The following SLC18B1 variants were observed in gnomAD, a reference collection of about 807,000 sequenced individuals.
The protein encoded by SLC18B1 is MFS-type transporter SLC18B1.
Under a neutral mutation model 53.9 loss-of-function variants are expected in SLC18B1, and 62 were observed. That is an observed-to-expected ratio of 1.15 (90% CI 0.94 to 1.42). SLC18B1 has a LOEUF of 1.42. SLC18B1 is among the 40% of genes most tolerant of loss of function. The probability of loss-of-function intolerance (pLI) is 0.00; values close to 1 mark genes in which losing one functional copy is unlikely to be tolerated. For missense variants in SLC18B1, 598 were observed against 547.3 expected (o/e 1.09, Z -0.93); for synonymous variants, 217 against 200.9 (o/e 1.08, Z -0.68).
chr6:132,780,267 A>G (rs1197650360), intron 6 of SLC18B1, among the ~76,000 whole-genome samples: 1 of 151,796 alleles, frequency 6.6e-6, no homozygotes, highest in African/African-American at 2.4e-5. Context: ...CACCTAGCTA[A>G]TTTAAAAATT....
intron 2 of SLC18B1, among the ~76,000 whole-genome samples, chr6:132,796,194 C>CA (rs11312283): frequency 1.5e-3 from 210 of 144,046 alleles, no homozygotes; most frequent in Middle Eastern, 7.1e-3. Context: ...TAAAACAATA[C>CA]AAAAAAAAAA....
intron 6 of SLC18B1, among the ~76,000 whole-genome samples, chr6:132,780,916 A>G (rs1266196073): frequency 6.6e-6 from 1 of 152,138 alleles, no homozygotes; most frequent in East Asian, 1.9e-4. Flanking sequence ...ATCTGAGCAC[A>G]TCCTTGATGC....
In SLC18B1 at chr6:132,770,214, G is replaced by T; in HGVS notation, c.*56C>A. 2 of 1,462,950 alleles carry T rather than the reference G, an allele frequency of 1.4e-6. No individual in the cohort carries two copies. Among genetic ancestry groups the T allele is most frequent in the Non-Finnish European group, 1.9e-6 (2 of 1,048,736 alleles). 90.6% of individuals were successfully genotyped at this position (1,462,950 alleles called of 1,614,324 possible). On this transcript the variant is annotated 3_prime_UTR_variant, in exon 14 of 14. Coordinates refer to ENST00000275227, the MANE Select transcript of SLC18B1 (RefSeq NM_052831.3). ...TTTTAAAAACCCTTCCTACGGTGAT[G>T]TTTAAGGCCAGGAGCATTCATTTCT...
rs762652903 is a variant in SLC18B1 at position 132,770,992 on chromosome 6, T to C, written c.1254+44A>G. 1.5e-5 allele frequency: 24 copies of C among 1,610,660 alleles called. 1 individual carries two copies. Among genetic ancestry groups the C allele is most frequent in the Non-Finnish European group, 2.0e-5 (24 of 1,179,004 alleles). On this transcript the variant is annotated intron_variant, in intron 12 of 13. Transcript: ENST00000275227. ...ATGTAAATTTTCCAAGTCAAGTTTTTCCACAAATATAAGGAAAATGCAAAT... is the reference window on the plus strand; with the variant it reads ...ATGTAAATTTTCCAAGTCAAGTTTTCCCACAAATATAAGGAAAATGCAAAT...
At chr6:132,796,532 G>GAAAAA (rs56286125) in intron 2 of SLC18B1, among the ~76,000 whole-genome samples, 17 of 77,846 alleles carry the variant, frequency 2.2e-4, no homozygotes, top group Non-Finnish European at 3.1e-4. Context: ...GTCTCGAAAG[G>GAAAAA]AAAAAAAAAA....
At chr6:132,795,603 G>C (rs1781656163) in intron 2 of SLC18B1, among the ~76,000 whole-genome samples, 2 of 152,208 alleles carry the variant, frequency 1.3e-5, no homozygotes, top group African/African-American at 2.4e-5. Flanking sequence ...ATGTTTAAAA[G>C]GCAGTTGGAG....
intron 10 of SLC18B1, 57 bp downstream of exon 10, chr6:132,772,936 C>T: frequency 8.0e-7 from 1 of 1,257,592 alleles, no homozygotes. Context: ...TCAAGAAAGC[C>T]TGTGATACTT....
At chr6:132,777,954 G>C (rs1337995538) in intron 7 of SLC18B1, among the ~76,000 whole-genome samples, 1 of 152,186 alleles carries the variant, frequency 6.6e-6, no homozygotes, top group African/African-American at 2.4e-5. Flanking sequence ...GAGCAATAAA[G>C]CTTTTTAATT....
intron 8 of SLC18B1, among the ~76,000 whole-genome samples, chr6:132,775,610 C>T (rs576645174): frequency 6.6e-6 from 1 of 152,290 alleles, no homozygotes; most frequent in East Asian, 1.9e-4. Flanking sequence ...TAAGATTTTA[C>T]TAACAGTACT....
At chr6:132,794,794 A>G (rs1781630407) in intron 2 of SLC18B1, among the ~76,000 whole-genome samples, 1 of 152,206 alleles carries the variant, frequency 6.6e-6, no homozygotes, top group Non-Finnish European at 1.5e-5. Context: ...GCTTGAGCTC[A>G]GGAGCTCAAC....
rs567107854 is a variant in SLC18B1, at chr6:132,769,576, A to G, written c.*694T>C. On this transcript the variant is annotated 3_prime_UTR_variant, in exon 14 of 14. Transcript: ENST00000275227. ...AAAACAGAGACATTAAAGGAAATGA[A>G]AAACGTTATACCAAGTAATGTTTAT... The G allele has an allele frequency of 1.3e-5, 2 of 152,374 alleles. No homozygotes were observed. The highest frequency in any genetic ancestry group is 3.9e-4 in the East Asian group (2 of 5,186). The allele number at this position is 152,374 out of a possible 1,614,324, so 9.4% of individuals were successfully genotyped here. A position where few individuals can be genotyped will look rare whatever the true frequency, so the allele number is the denominator to read the frequency against.
intron 6 of SLC18B1, among the ~76,000 whole-genome samples, chr6:132,780,595 A>G (rs11968753): frequency 0.061 from 5,655 of 92,920 alleles, 495 homozygotes; most frequent in African/African-American, 0.23. Flanking sequence ...TTTTTGAGAC[A>G]GTAGTTTTTT....
intron 2 of SLC18B1, among the ~76,000 whole-genome samples, chr6:132,792,225 C>CAAGAGAGAAAGAAAGAAAGAAAGAAAGAA (rs553756627): frequency 2.2e-5 from 1 of 44,582 alleles, no homozygotes; most frequent in African/African-American, 7.5e-5. Flanking sequence ...AAGACACTGT[C>CAAGAGAGAAAGAAAGAAAGAAAGAAAGAA]AGAAAGAAAG....
rs747796517 is a variant in SLC18B1 at position 132,779,290 on chromosome 6, A to T, written c.773T>A (p.Leu258Gln). 7 of 1,613,908 alleles carry T rather than the reference A, an allele frequency of 4.3e-6. No homozygotes were observed. Among genetic ancestry groups the T allele is most frequent in the Non-Finnish European group, 5.1e-6 (6 of 1,179,912 alleles). ...SSCFGFLDPT[L>Q]SLFVLEKFNL... is the part of the protein sequence containing the mutation. ...TACCTTCTCCAAAACAAAGAGAGAC[A>T]GAGTAGGATCGAGGAAGCCAAAACA... The change falls in exon 7 of 14, where the codon CTG (leucine) becomes CAG (glutamine). Residue 258 changes from leucine (L) to glutamine (Q), a missense_variant. Transcript: ENST00000275227.
In SLC18B1 at chr6:132,789,833, A is replaced by G; in HGVS notation, c.284T>C (p.Val95Ala). The part of the protein sequence containing the change: ...LASLVFGNYL[V>A]HIGAKFMFVA... ...AAACATAAATTTTGCTCCAATATGTACAAGCTATAATAAATGTCAAAGAAG... is the reference window on the plus strand; with the variant it reads ...AAACATAAATTTTGCTCCAATATGTGCAAGCTATAATAAATGTCAAAGAAG... Residue 95 changes from valine (V) to alanine (A), a missense_variant, in exon 4 of 14, where the codon GTA (valine) becomes GCA (alanine). Val to Ala is a moderately conservative substitution (Grantham distance 64). Transcript: ENST00000275227. The G allele has an allele frequency of 6.2e-7, 1 of 1,608,928 alleles. No homozygotes were observed. Among genetic ancestry groups the G allele is most frequent in the Non-Finnish European group, 8.5e-7 (1 of 1,175,366 alleles).
chr6:132,785,900 A>G (rs78730463), intron 5 of SLC18B1, among the ~76,000 whole-genome samples: 1 of 141,008 alleles, frequency 7.1e-6, no homozygotes, highest in Non-Finnish European at 1.5e-5. Flanking sequence ...GTCTCTACAA[A>G]AAAAAAAAAA....
Position 132,779,334 on chromosome 6 carries a change from G to A in SLC18B1, c.729C>T (p.Val243=). 1 of 1,614,002 alleles carries A rather than the reference G, an allele frequency of 6.2e-7. No individual in the cohort carries two copies. ...CAAAACACGAGCTGAGTGAGTTGAT[G>A]ACGAAGGCTATAAGGCCAACTTTGG... is the stretch of plus-strand genomic sequence containing the variant. The part of the protein sequence containing the change: ...ALPKVGLIAF[V]INSLSSCFGF... Residue 243 remains valine, a synonymous_variant, in exon 7 of 14, where the codon GTC becomes GTT. Coordinates refer to ENST00000275227, the MANE Select transcript of SLC18B1 (RefSeq NM_052831.3).
At chr6:132,775,377 T>G (rs1781073299) in intron 8 of SLC18B1, among the ~76,000 whole-genome samples, 1 of 152,220 alleles carries the variant, frequency 6.6e-6, no homozygotes. Context: ...AGTAAAATTA[T>G]CCCTTATAAA....
At chr6:132,783,629 A>C (rs1781294073) in intron 6 of SLC18B1, among the ~76,000 whole-genome samples, 1 of 152,236 alleles carries the variant, frequency 6.6e-6, no homozygotes, top group Non-Finnish European at 1.5e-5. Context: ...AGACTGGGCC[A>C]TATGTGGCCC....
Sources: gnomAD v4.1 joint callset for allele counts (sites outside exome capture counted in the v4.1 genomes callset) on GRCh38, gnomAD v4.1.1 for gene constraint, MANE v1.5 for transcripts, NCBI Gene and HGNC (gene_info 2026-07-23, HGNC 2026-07-21) for gene names.